Variants in PIP5K1B observed in about 807,000 individuals in gnomAD.
PIP5K1B encodes the protein phosphatidylinositol 4-phosphate 5-kinase type-1 beta.
A neutral mutation model predicts 67.0 loss-of-function variants in PIP5K1B; 42 were observed. The ratio of observed to expected loss-of-function variants is 0.63; its 90% confidence interval spans 0.49 to 0.81. PIP5K1B has a LOEUF of 0.81. Ranked by LOEUF, PIP5K1B falls within the 30% of genes least tolerant of loss-of-function variation. PIP5K1B has a pLI of 0.00. For missense variants in PIP5K1B, 459 were observed against 646.3 expected, an observed-to-expected ratio of 0.71 and a Z score of 3.14; for synonymous variants, 214 against 231.4, an observed-to-expected ratio of 0.92 and a Z score of 0.68.
At chr9:68,862,894 C>G (rs1436445489) in intron 4 of PIP5K1B, among the ~76,000 whole-genome samples, 1 of 150,686 alleles carries the variant, frequency 6.6e-6, no homozygotes, top group East Asian at 1.9e-4. Flanking sequence ...ACATTTTTTT[C>G]CAGAATAGAC....
intron 2 of PIP5K1B, chr9:68,779,996 CCGCGAGTACGGACAT>C (rs1831145121): frequency 1.1e-6 from 1 of 883,242 alleles, no homozygotes; most frequent in Admixed American, 3.7e-5. Context: ...TAAGCAGGCG[CCGCGAGTACGGACAT>C]CGCGAGCGCC....
chr9:68,854,840 G>A (rs1294758210), intron 4 of PIP5K1B, among the ~76,000 whole-genome samples: 1 of 152,102 alleles, frequency 6.6e-6, no homozygotes, highest in Non-Finnish European at 1.5e-5. Flanking sequence ...TTTCCTTCCT[G>A]TCTTATTTTC....
At chr9:68,914,542 C>G (rs1317873768) in intron 8 of PIP5K1B, among the ~76,000 whole-genome samples, 2 of 151,954 alleles carry the variant, frequency 1.3e-5, no homozygotes, top group African/African-American at 4.8e-5. Flanking sequence ...GGTGAAACCC[C>G]GTCTCTACTA....
At chr9:68,978,484 T>C (rs1055457684) in intron 14 of PIP5K1B, among the ~76,000 whole-genome samples, 1 of 152,270 alleles carries the variant, frequency 6.6e-6, no homozygotes, top group South Asian at 2.1e-4. Context: ...TTCCTTTGTA[T>C]ATGTATACCA....
intron 2 of PIP5K1B, among the ~76,000 whole-genome samples, chr9:68,769,892 A>G (rs1587416503): frequency 6.6e-6 from 1 of 152,172 alleles, no homozygotes; most frequent in South Asian, 2.1e-4. Flanking sequence ...TACTTTTTCA[A>G]TTTGAATTAG....
chr9:68,839,941 AGG>A (rs1821831407), intron 4 of PIP5K1B, among the ~76,000 whole-genome samples: 1 of 152,224 alleles, frequency 6.6e-6, no homozygotes, highest in African/African-American at 2.4e-5. Context: ...ATTGTCCTCT[AGG>A]ACCACTTTCT....
chr9:68,779,287 T>C (rs1831089118), intron 2 of PIP5K1B, among the ~76,000 whole-genome samples: 2 of 152,218 alleles, frequency 1.3e-5, no homozygotes, highest in African/African-American at 4.8e-5. Context: ...ACACATATGC[T>C]TGTGCTGGAA....
intron 11 of PIP5K1B, among the ~76,000 whole-genome samples, chr9:68,920,274 A>G (rs1347857219): frequency 6.6e-6 from 1 of 152,142 alleles, no homozygotes; most frequent in Non-Finnish European, 1.5e-5. Context: ...CACAATGCCT[A>G]ACAAATACAC....
intron 4 of PIP5K1B, among the ~76,000 whole-genome samples, chr9:68,838,175 C>T (rs1312216002): frequency 6.6e-6 from 1 of 150,458 alleles, no homozygotes; most frequent in African/African-American, 2.4e-5. Context: ...AACTGACAAC[C>T]TGTTTTTTTT....
intron 1 of PIP5K1B, among the ~76,000 whole-genome samples, chr9:68,708,426 G>T (rs1213785635): frequency 6.6e-6 from 1 of 152,148 alleles, no homozygotes; most frequent in Non-Finnish European, 1.5e-5. Context: ...TCCTGAAGCT[G>T]GCGGGTACAG....
At chr9:68,894,177 A>G (rs542808442) in intron 7 of PIP5K1B, among the ~76,000 whole-genome samples, 162 bp from the exon 8 acceptor site, 13 of 152,358 alleles carry the variant, frequency 8.5e-5, no homozygotes, top group African/African-American at 2.9e-4. Context: ...AAGCAGACTT[A>G]AGAAATAGAT....
intron 14 of PIP5K1B, among the ~76,000 whole-genome samples, chr9:68,949,969 C>T (rs559230259): frequency 2.0e-5 from 3 of 152,282 alleles, no homozygotes; most frequent in South Asian, 2.1e-4. Flanking sequence ...TTTACACTTC[C>T]GCTTGTTGTA....
At chr9:68,748,768 G>A (rs1829464077) in intron 2 of PIP5K1B, among the ~76,000 whole-genome samples, 1 of 151,994 alleles carries the variant, frequency 6.6e-6, no homozygotes, top group Admixed American at 6.5e-5. Context: ...TTACAGGCAT[G>A]TGCCACCACG....
chr9:68,912,898 A>G (rs1166121749), intron 8 of PIP5K1B, among the ~76,000 whole-genome samples: 7 of 152,186 alleles, frequency 4.6e-5, no homozygotes, highest in Admixed American at 4.6e-4. Flanking sequence ...GAGTTAGGAT[A>G]TTTCCACATT....
chr9:68,715,801 G>A (rs564356790), intron 1 of PIP5K1B, among the ~76,000 whole-genome samples: 5 of 152,148 alleles, frequency 3.3e-5, no homozygotes, highest in African/African-American at 4.8e-5. Flanking sequence ...TCATATTGCC[G>A]ATCCTGTCCA....
intron 2 of PIP5K1B, among the ~76,000 whole-genome samples, chr9:68,794,539 C>T (rs978232926): frequency 4.6e-5 from 7 of 152,058 alleles, no homozygotes; most frequent in Admixed American, 3.9e-4. Flanking sequence ...ATGGGTTTGT[C>T]TGGTTCATCT....
At chr9:68,760,829 T>G (rs760277606) in intron 2 of PIP5K1B, among the ~76,000 whole-genome samples, 1 of 152,114 alleles carries the variant, frequency 6.6e-6, no homozygotes, top group African/African-American at 2.4e-5. Flanking sequence ...AGCCAAGCCT[T>G]GCTGGCAGGG....
At chr9:69,007,685 A>G (rs4745498) in intron 15 of PIP5K1B, among the ~76,000 whole-genome samples, 58,388 of 151,954 alleles carry the variant, frequency 0.38, 12,052 homozygotes, top group Middle Eastern at 0.51. Flanking sequence ...GTGAAACCCC[A>G]TCTCTACTAA....
chr9:68,775,778 C>T (rs1163498902), intron 2 of PIP5K1B, among the ~76,000 whole-genome samples: 2 of 152,230 alleles, frequency 1.3e-5, no homozygotes, highest in African/African-American at 4.8e-5. Flanking sequence ...GACTTCATAA[C>T]ACTGAAGTCA....
Sources: gnomAD v4.1 joint callset for allele counts (sites outside exome capture counted in the v4.1 genomes callset) on GRCh38, gnomAD v4.1.1 for gene constraint, MANE v1.5 for transcripts, NCBI Gene and HGNC (gene_info 2026-07-23, HGNC 2026-07-21) for gene names.